The following BEND3 variants were observed in gnomAD, a reference collection of about 807,000 sequenced individuals.
BEND3 encodes the protein BEN domain containing 3.
In BEND3, 13 loss-of-function variants were observed where a neutral mutation model predicts 60.1. That is an observed-to-expected ratio of 0.22 (90% confidence interval 0.14 to 0.34). The LOEUF (loss-of-function observed/expected upper bound fraction) is 0.34. Ranked by LOEUF, BEND3 falls within the 10% of genes least tolerant of loss-of-function variation. The pLI, the probability that BEND3 is intolerant of heterozygous loss-of-function variation, is 1.00. For missense variants in BEND3, 896 were observed against 1,138.1 expected, an observed-to-expected ratio of 0.79 and a Z score of 3.06; for synonymous variants, 497 against 491.5, an observed-to-expected ratio of 1.01 and a Z score of -0.15.
chr6:107,088,611 C>CA (rs564609735), intron 3 of BEND3, among the ~76,000 whole-genome samples: 87 of 152,120 alleles, frequency 5.7e-4, no homozygotes, highest in African/African-American at 2.0e-3. Context: ...AGGTGGGGAA[C>CA]AAAACACTTT....
chr6:107,070,046 C>T lies in BEND3; in HGVS notation c.1145G>A (p.Arg382Gln), dbSNP rs782212406. 15 of 1,613,628 alleles carry T rather than the reference C, an allele frequency of 9.3e-6. No homozygotes were observed. The highest frequency in any genetic ancestry group is 3.3e-4 in the Middle Eastern group (2 of 6,076). ...KDQEEALSLD[R>Q]SSTIASDHVV... Reference sequence around the variant, plus strand: ...GTGGTCTGAGGCGATGGTGCTGCTCCGGTCAAGAGACAGGGCCTCCTCCTG... The same window carrying T: ...GTGGTCTGAGGCGATGGTGCTGCTCTGGTCAAGAGACAGGGCCTCCTCCTG... Residue 382 changes from arginine to glutamine, a missense_variant, in exon 4 of 4, where the codon CGG (arginine) becomes CAG (glutamine). Arg to Gln is a conservative substitution (Grantham distance 43). Transcript: ENST00000369042. The surrounding 1 kb of genome is among the most constrained non-coding windows in gnomAD (Gnocchi z 6.9).
chr6:107,094,118 C>T (rs1252968507), intron 3 of BEND3, among the ~76,000 whole-genome samples: 1 of 152,194 alleles, frequency 6.6e-6, no homozygotes, highest in Admixed American at 6.5e-5. Context: ...AGCCTGTAAT[C>T]CCGGCACTTT....
intron 3 of BEND3, among the ~76,000 whole-genome samples, chr6:107,097,816 C>G (rs9486524): frequency 2.7e-5 from 3 of 112,528 alleles, no homozygotes; most frequent in African/African-American, 9.0e-5. Flanking sequence ...AAAAAAAAAA[C>G]CCCAACAAAC....
intron 2 of BEND3, 140 bp downstream of exon 2, chr6:107,099,109 A>G (rs1554236425): frequency 4.4e-6 from 3 of 687,234 alleles, no homozygotes; most frequent in Non-Finnish European, 7.6e-6. Context: ...GTGGAGGGGG[A>G]TGGGAACCGG....
Position 107,066,894 on chromosome 6 carries a change from G to C in BEND3, c.*1810C>G, listed in dbSNP as rs1774844617. On this transcript the variant is annotated 3_prime_UTR_variant, in exon 4 of 4. Transcript: ENST00000369042. ...TTCCAGGCACAAAGAAGTTGAACTTGTTATTCGTGTAGGCCCCCTTCATCT... is the reference window on the plus strand; with the variant it reads ...TTCCAGGCACAAAGAAGTTGAACTTCTTATTCGTGTAGGCCCCCTTCATCT... 1 of 152,446 alleles carries C rather than the reference G, an allele frequency of 6.6e-6. No individual in the cohort carries two copies. The highest frequency in any genetic ancestry group is 2.4e-5 in the African/African-American group (1 of 41,450). 9.4% of individuals were successfully genotyped at this position (152,446 alleles called of 1,614,324 possible). A position where few individuals can be genotyped will look rare whatever the true frequency, so the allele number is the denominator to read the frequency against.
At chr6:107,087,459 C>T (rs1775376688) in intron 3 of BEND3, among the ~76,000 whole-genome samples, 1 of 152,062 alleles carries the variant, frequency 6.6e-6, no homozygotes, top group African/African-American at 2.4e-5. Context: ...AAGTAGACAA[C>T]ATGCAAGAAC....
intron 1 of BEND3, among the ~76,000 whole-genome samples, chr6:107,101,524 C>G (rs1382225208): frequency 6.6e-6 from 1 of 152,094 alleles, no homozygotes; most frequent in Non-Finnish European, 1.5e-5. Flanking sequence ...GAATGAAAAC[C>G]AAAATGAGAT....
rs60952739 is a variant in BEND3 at position 107,068,305 on chromosome 6, TA to T, written c.*398del. On this transcript the variant is annotated 3_prime_UTR_variant, in exon 4 of 4. Transcript: ENST00000369042. The surrounding 1 kb of genome is among the most constrained non-coding windows in gnomAD (Gnocchi z 5.8). ...TTTTTTTTAAGGGTTTCTTTTTAAT[TA>T]AAAAAAAATGGGTCAAAATGGAAGA... 2.7e-3 allele frequency: 438 copies of T among 160,178 alleles called. 9 individuals are homozygous for T. In the South Asian group the frequency reaches 0.033, roughly 12 times the overall value. 9.9% of individuals were successfully genotyped at this position (160,178 alleles called of 1,614,324 possible).
At chr6:107,106,707 T>C (rs1236413815) in intron 1 of BEND3, among the ~76,000 whole-genome samples, 3 of 152,092 alleles carry the variant, frequency 2.0e-5, no homozygotes, top group Admixed American at 1.3e-4. Flanking sequence ...ACTCCTGGGC[T>C]CAGATGATTC....
At chr6:107,110,510 T>C (rs1181297666) in intron 1 of BEND3, among the ~76,000 whole-genome samples, 2 of 152,082 alleles carry the variant, frequency 1.3e-5, no homozygotes, top group Non-Finnish European at 2.9e-5. Flanking sequence ...CAGAGCAAGG[T>C]GATACAAAGC....
At chr6:107,106,967 C>T (rs1278885905) in intron 1 of BEND3, among the ~76,000 whole-genome samples, 17 of 146,044 alleles carry the variant, frequency 1.2e-4, no homozygotes, top group Non-Finnish European at 2.4e-4. Context: ...GACGGAGTCT[C>T]GCTCTGTCGC....
intron 3 of BEND3, among the ~76,000 whole-genome samples, chr6:107,072,173 T>A (rs1562299745): frequency 6.6e-6 from 1 of 152,208 alleles, no homozygotes; most frequent in Non-Finnish European, 1.5e-5. Flanking sequence ...CTGACAGGCA[T>A]GTGCCTCGGG....
At chr6:107,097,790 CAAAAAAAAAAAA>C (rs10674719) in intron 3 of BEND3, among the ~76,000 whole-genome samples, 1 of 53,350 alleles carries the variant, frequency 1.9e-5, no homozygotes, top group South Asian at 8.9e-4. Context: ...AACTCCGTCT[CAAAAAAAAAAAA>C]AAAAAAAAAA....
At chr6:107,087,023 T>TAA (rs58435912) in intron 3 of BEND3, among the ~76,000 whole-genome samples, 132 of 80,804 alleles carry the variant, frequency 1.6e-3, no homozygotes, top group Non-Finnish European at 2.2e-3. Context: ...AGACTCTGTC[T>TAA]AAAAAAAAAA....
chr6:107,082,427 T>C (rs1582650476), intron 3 of BEND3, among the ~76,000 whole-genome samples: 1 of 152,078 alleles, frequency 6.6e-6, no homozygotes, highest in Non-Finnish European at 1.5e-5. Context: ...AAATAGCGGT[T>C]GCTTTTTATT....
chr6:107,111,209 T>C (rs1554238350), intron 1 of BEND3, among the ~76,000 whole-genome samples: 1 of 151,974 alleles, frequency 6.6e-6, no homozygotes, highest in Non-Finnish European at 1.5e-5. Context: ...TGTATCATTC[T>C]ATGAAAGATA....
chr6:107,111,777 T>C (rs1770100095), intron 1 of BEND3, among the ~76,000 whole-genome samples: 1 of 150,606 alleles, frequency 6.6e-6, no homozygotes, highest in Non-Finnish European at 1.5e-5. Flanking sequence ...AGGTCAGGAG[T>C]TCAAGACCAA....
chr6:107,094,699 T>C (rs191662890), intron 3 of BEND3, among the ~76,000 whole-genome samples: 1 of 151,654 alleles, frequency 6.6e-6, no homozygotes, highest in Admixed American at 6.6e-5. Context: ...ACAAAAACTT[T>C]AAAAGTTAGC....
At position 107,067,684 on chromosome 6, in the gene BEND3, C is replaced by G. The variant is rs1367405212; in HGVS notation, c.*1020G>C. ...GAGGATGTAGTACTGCCTGGAGTAG[C>G]TAACACTGAGGTCTGGGGAAGTCAC... On this transcript the variant is annotated 3_prime_UTR_variant, in exon 4 of 4. Coordinates refer to ENST00000369042, the MANE Select transcript of BEND3 (RefSeq NM_001367314.1). The G allele has an allele frequency of 6.6e-6, 1 of 152,306 alleles. No individual in the cohort carries two copies. The highest frequency in any genetic ancestry group is 2.4e-5 in the African/African-American group (1 of 41,450). 9.4% of individuals were successfully genotyped at this position (152,306 alleles called of 1,614,324 possible). A position where few individuals can be genotyped will look rare whatever the true frequency, so the allele number is the denominator to read the frequency against.
Sources: gnomAD v4.1 joint callset for allele counts (sites outside exome capture counted in the v4.1 genomes callset) on GRCh38, gnomAD v4.1.1 for gene constraint, Gnocchi (gnomAD v3.1) non-coding constraint, MANE v1.5 for transcripts, NCBI Gene and HGNC (gene_info 2026-07-23, HGNC 2026-07-21) for gene names.